Variants in SUCLG2 observed in about 807,000 individuals in gnomAD.
SUCLG2 encodes the protein succinate-CoA ligase GDP-forming subunit beta, also known as succinate--CoA ligase [GDP-forming] subunit beta, mitochondrial.
SUCLG2 carries 42 observed loss-of-function variants against 47.9 expected under a neutral mutation model. The ratio of observed to expected loss-of-function variants is 0.88; its 90% CI spans 0.69 to 1.14. The LOEUF (loss-of-function observed/expected upper bound fraction) is 1.14, where lower values mean the gene tolerates loss of function less well. Among genes scored for constraint, SUCLG2 ranks in the 50% most tolerant of loss-of-function variants. The probability of loss-of-function intolerance (pLI) is 0.00; values close to 1 mark genes in which losing one functional copy is unlikely to be tolerated. For synonymous variants in SUCLG2, 195 were observed against 197.3 expected (o/e 0.99, Z 0.10); for missense variants, 571 against 525.9 (o/e 1.09, Z -0.84).
At chr3:67,520,777 G>T in intron 4 of SUCLG2, 143 bp from the exon 5 acceptor site, 1 of 899,680 alleles carries the variant, frequency 1.1e-6, no homozygotes, top group Non-Finnish European at 1.7e-6. Context: ...AGCTTTGAGA[G>T]TTCTGCTCTC....
At chr3:67,396,450 C>CCTTGAT (rs1702532366) in intron 10 of SUCLG2, among the ~76,000 whole-genome samples, 5 of 152,168 alleles carry the variant, frequency 3.3e-5, no homozygotes, top group African/African-American at 1.2e-4. Context: ...TTGACACATA[C>CCTTGAT]ACCCTCCCAA....
chr3:67,574,769 G>A (rs901711265), intron 2 of SUCLG2, among the ~76,000 whole-genome samples: 2 of 152,134 alleles, frequency 1.3e-5, no homozygotes, highest in African/African-American at 4.8e-5. Context: ...AACATGAAAT[G>A]ACAAGCAACA....
intron 9 of SUCLG2, among the ~76,000 whole-genome samples, chr3:67,422,448 CTGG>C (rs1559520238): frequency 9.5e-6 from 1 of 104,880 alleles, no homozygotes; most frequent in East Asian, 3.1e-4. Flanking sequence ...GCACTCCGGC[CTGG>C]TGACAGAGCG....
At chr3:67,376,425 C>A in intron 10 of SUCLG2, 1 of 985,380 alleles carries the variant, frequency 1.0e-6, no homozygotes, top group Non-Finnish European at 1.2e-6. Flanking sequence ...TATCTTCTGG[C>A]CAAGTCACTT....
intron 7 of SUCLG2, among the ~76,000 whole-genome samples, chr3:67,502,322 C>T (rs148724178): frequency 1.3e-5 from 2 of 152,300 alleles, no homozygotes; most frequent in East Asian, 3.9e-4. Context: ...AAAGTGCTTT[C>T]CTATCTTACT....
chr3:67,622,449 G>A (rs75962088), intron 1 of SUCLG2, among the ~76,000 whole-genome samples: 7,927 of 152,212 alleles, frequency 0.052, 279 homozygotes, highest in African/African-American at 0.091. Context: ...AACAGACTTC[G>A]ATTTCATCAC....
intron 9 of SUCLG2, among the ~76,000 whole-genome samples, chr3:67,467,053 G>A (rs938520550): frequency 6.6e-6 from 1 of 152,172 alleles, no homozygotes; most frequent in Non-Finnish European, 1.5e-5. Context: ...ATTAAGAATT[G>A]AGAATCGGAA....
At chr3:67,646,492 G>A (rs888231428) in intron 1 of SUCLG2, among the ~76,000 whole-genome samples, 6 of 152,104 alleles carry the variant, frequency 3.9e-5, no homozygotes, top group Non-Finnish European at 8.8e-5. Context: ...CTACTTGGGA[G>A]GCTGAGTCAG....
intron 2 of SUCLG2, among the ~76,000 whole-genome samples, chr3:67,570,791 A>T (rs1012371722): frequency 6.6e-6 from 1 of 152,096 alleles, no homozygotes; most frequent in East Asian, 1.9e-4. Context: ...GAATCCTCCT[A>T]AACTCCAACT....
At chr3:67,540,692 C>G (rs1706679536) in intron 2 of SUCLG2, among the ~76,000 whole-genome samples, 1 of 152,230 alleles carries the variant, frequency 6.6e-6, no homozygotes, top group South Asian at 2.1e-4. Flanking sequence ...ACTGCTGGAG[C>G]TGTGCTAAGG....
chr3:67,612,560 A>G (rs1303279825), intron 1 of SUCLG2, among the ~76,000 whole-genome samples: 1 of 152,222 alleles, frequency 6.6e-6, no homozygotes, highest in Non-Finnish European at 1.5e-5. Context: ...TGAGCTAGGC[A>G]TTATATTAAA....
intron 9 of SUCLG2, among the ~76,000 whole-genome samples, chr3:67,470,331 T>C (rs1704573924): frequency 6.6e-6 from 1 of 152,222 alleles, no homozygotes. Flanking sequence ...GCTTTATTCC[T>C]CTGCTTATTT....
At chr3:67,390,606 C>T (rs1016298335) in intron 10 of SUCLG2, among the ~76,000 whole-genome samples, 4 of 151,602 alleles carry the variant, frequency 2.6e-5, no homozygotes, top group African/African-American at 9.7e-5. Context: ...GCCTTTGTAA[C>T]CAATTGTTTC....
chr3:67,475,726 T>C (rs1219000609), intron 9 of SUCLG2, among the ~76,000 whole-genome samples: 1 of 152,008 alleles, frequency 6.6e-6, no homozygotes, highest in Non-Finnish European at 1.5e-5. Context: ...CTCCTTTTTT[T>C]TTTTTGAGAG....
intron 9 of SUCLG2, among the ~76,000 whole-genome samples, chr3:67,446,531 G>T (rs1703931511): frequency 6.7e-6 from 1 of 148,950 alleles, no homozygotes; most frequent in Non-Finnish European, 1.5e-5. Flanking sequence ...CCCGGGTTCA[G>T]GGATTCTCCT....
chr3:67,446,621 A>G (rs1575702444), intron 9 of SUCLG2, among the ~76,000 whole-genome samples: 1 of 148,168 alleles, frequency 6.7e-6, no homozygotes, highest in African/African-American at 2.5e-5. Context: ...TTTAGTAGAG[A>G]TGGGATTTCA....
At chr3:67,560,225 A>T (rs1707273293) in intron 2 of SUCLG2, among the ~76,000 whole-genome samples, 1 of 152,160 alleles carries the variant, frequency 6.6e-6, no homozygotes, top group Non-Finnish European at 1.5e-5. Flanking sequence ...CTAAAATGGC[A>T]TCATTAGGGT....
intron 9 of SUCLG2, among the ~76,000 whole-genome samples, chr3:67,414,896 C>T (rs920394752): frequency 2.6e-5 from 4 of 152,194 alleles, no homozygotes; most frequent in African/African-American, 9.7e-5. Flanking sequence ...GGCTCTGTTG[C>T]CCAGGCTGGA....
chr3:67,625,410 CA>C (rs1700809182), intron 1 of SUCLG2, among the ~76,000 whole-genome samples: 1 of 152,122 alleles, frequency 6.6e-6, no homozygotes, highest in South Asian at 2.1e-4. Flanking sequence ...GATCAAGAAG[CA>C]ACACCAGGGA....
Sources: gnomAD v4.1 joint callset for allele counts (sites outside exome capture counted in the v4.1 genomes callset) on GRCh38, gnomAD v4.1.1 for gene constraint, MANE v1.5 for transcripts, NCBI Gene and HGNC (gene_info 2026-07-23, HGNC 2026-07-21) for gene names.